LRMDA: variants seen among roughly 807,000 people sequenced by gnomAD.
LRMDA encodes the protein leucine rich melanocyte differentiation associated, also known as leucine-rich melanocyte differentiation-associated protein.
A neutral mutation model predicts 29.8 loss-of-function variants in LRMDA; 18 were observed. The observed-to-expected ratio is 0.60, with a 90% confidence interval of 0.42 to 0.90. The LOEUF (loss-of-function observed/expected upper bound fraction) is 0.90. Ranked by LOEUF, LRMDA falls within the 40% of genes least tolerant of loss-of-function variation. LRMDA has a pLI of 0.00. For missense variants in LRMDA, 273 were observed against 273.9 expected (o/e 1.00, Z 0.02); for synonymous variants, 125 against 109.4 (o/e 1.14, Z -0.89).
In LRMDA at chr10:75,739,891, C is replaced by T. The variant is rs961076092; in HGVS notation, c.132-296117C>T. ...AAGGCAGCACACACAATGCAATATG[C>T]GAAATAAAATGACAGAGCTGTTTAC... On this transcript the variant is annotated intron_variant, in intron 2 of 6. Coordinates refer to ENST00000611255, the MANE Select transcript of LRMDA (RefSeq NM_001305581.2). 3.3e-4 allele frequency among the ~76,000 whole-genome samples: 50 copies of T among 152,158 alleles called. 1 individual carries two copies. Among genetic ancestry groups the T allele is most frequent in the African/African-American group, 3.6e-4 (15 of 41,498 alleles).
intron 2 of LRMDA, among the ~76,000 whole-genome samples, chr10:75,711,148 C>T (rs1842431206): frequency 6.6e-6 from 1 of 152,174 alleles, no homozygotes; most frequent in South Asian, 2.1e-4. Context: ...GACTGATTCC[C>T]AGTGGATCTT....
intron 5 of LRMDA, among the ~76,000 whole-genome samples, chr10:76,315,720 GT>G (rs1840687265): frequency 1.3e-5 from 2 of 152,158 alleles, no homozygotes; most frequent in African/African-American, 2.4e-5. Flanking sequence ...GCGGAAGGGG[GT>G]GGGTGCCCAG....
At chr10:75,969,945 A>G (rs768753461) in intron 2 of LRMDA, among the ~76,000 whole-genome samples, 20 of 152,360 alleles carry the variant, frequency 1.3e-4, no homozygotes, top group Middle Eastern at 3.4e-3. Context: ...AGGGCTCTGT[A>G]CAAATGGAAT....
chr10:75,594,051 T>C (rs972416736), intron 2 of LRMDA, among the ~76,000 whole-genome samples: 4 of 152,242 alleles, frequency 2.6e-5, no homozygotes, highest in African/African-American at 9.6e-5. Context: ...TTGGTCCTTT[T>C]GTCCCAGTAA....
intron 6 of LRMDA, among the ~76,000 whole-genome samples, chr10:76,512,798 GTATTGGGACA>G (rs1433616842): frequency 2.6e-5 from 4 of 151,964 alleles, no homozygotes; most frequent in African/African-American, 9.7e-5. Flanking sequence ...TTTTTAATCT[GTATTGGGACA>G]TATTAACTAT....
At chr10:75,587,414 CT>C (rs1840670603) in intron 2 of LRMDA, among the ~76,000 whole-genome samples, 2 of 152,036 alleles carry the variant, frequency 1.3e-5, no homozygotes, top group African/African-American at 4.8e-5. Context: ...AAATAATATG[CT>C]GAGAAAAATG....
At chr10:76,422,939 A>T (rs1842085371) in intron 6 of LRMDA, among the ~76,000 whole-genome samples, 1 of 152,262 alleles carries the variant, frequency 6.6e-6, no homozygotes, top group African/African-American at 2.4e-5. Context: ...GAACTGAAGA[A>T]GCTAACTGTA....
chr10:75,910,704 G>C (rs1219376648), intron 2 of LRMDA, among the ~76,000 whole-genome samples: 2 of 152,156 alleles, frequency 1.3e-5, no homozygotes, highest in Non-Finnish European at 2.9e-5. Context: ...CAGGTCTTCT[G>C]TGTGTGATTC....
chr10:76,006,890 T>A (rs1847672439), intron 2 of LRMDA, among the ~76,000 whole-genome samples: 1 of 152,052 alleles, frequency 6.6e-6, no homozygotes, highest in Non-Finnish European at 1.5e-5. Flanking sequence ...AAAGCAAGCG[T>A]TAAGGGCATT....
At chr10:76,056,141 G>A (rs1482755849) in intron 4 of LRMDA, among the ~76,000 whole-genome samples, 2 of 152,164 alleles carry the variant, frequency 1.3e-5, no homozygotes, top group Non-Finnish European at 2.9e-5. Context: ...TCTGCAGGCA[G>A]GTCATCTCAG....
intron 2 of LRMDA, among the ~76,000 whole-genome samples, chr10:75,802,710 G>A (rs914474172): frequency 1.3e-5 from 2 of 151,830 alleles, no homozygotes; most frequent in Admixed American, 6.6e-5. Flanking sequence ...CATAATAAGT[G>A]CGTAGAAAGC....
chr10:76,108,712 C>T lies in LRMDA; in HGVS notation c.516+49929C>T, dbSNP rs1849527220. ...ATAGGAAATAGAGCTCAGTGCCCTG[C>T]CCTCTGCTCAGCACCTATCCAAATC... On this transcript the variant is annotated intron_variant, in intron 5 of 6. Transcript: ENST00000611255. Among the ~76,000 whole-genome samples, 4 of 152,186 alleles carry T rather than the reference C, an allele frequency of 2.6e-5. No individual in the cohort carries two copies. In the South Asian group the frequency reaches 8.3e-4, roughly 32 times the overall value.
chr10:76,431,194 T>G (rs1479031052), intron 6 of LRMDA, among the ~76,000 whole-genome samples: 1 of 152,182 alleles, frequency 6.6e-6, no homozygotes, highest in African/African-American at 2.4e-5. Context: ...TCTGAATGCT[T>G]TAAGTAGAGA....
intron 6 of LRMDA, among the ~76,000 whole-genome samples, chr10:76,475,979 A>T (rs1842665823): frequency 1.3e-5 from 2 of 152,170 alleles, no homozygotes. Flanking sequence ...CTAACATCAC[A>T]ATTAAAAGAA....
intron 2 of LRMDA, among the ~76,000 whole-genome samples, chr10:75,814,767 A>G (rs1433095812): frequency 1.3e-5 from 2 of 152,224 alleles, no homozygotes; most frequent in Non-Finnish European, 2.9e-5. Flanking sequence ...GAGCCTTTCC[A>G]ATTAGCACAC....
intron 2 of LRMDA, among the ~76,000 whole-genome samples, chr10:75,834,730 A>G (rs1439307346): frequency 6.6e-6 from 1 of 152,230 alleles, no homozygotes; most frequent in African/African-American, 2.4e-5. Context: ...TCCAGTGTCC[A>G]GTGATATGTT....
At chr10:76,150,659 C>T (rs138793309) in intron 5 of LRMDA, among the ~76,000 whole-genome samples, 1,878 of 152,240 alleles carry the variant, frequency 0.012, 14 homozygotes, top group Non-Finnish European at 0.019. Context: ...TGTGGGCAGT[C>T]GATCGAGCCT....
intron 2 of LRMDA, among the ~76,000 whole-genome samples, chr10:75,925,693 G>A (rs1292573617): frequency 7.0e-6 from 1 of 143,466 alleles, no homozygotes; most frequent in East Asian, 2.1e-4. Context: ...TGGAGACAGA[G>A]TCTCGCTGGA....
intron 5 of LRMDA, among the ~76,000 whole-genome samples, chr10:76,215,538 G>GAA (rs111919971): frequency 1.4e-5 from 2 of 143,718 alleles, no homozygotes; most frequent in South Asian, 2.2e-4. Flanking sequence ...ATTCTTTCTT[G>GAA]AAAAAAAAAA....
Sources: gnomAD v4.1 joint callset for allele counts (sites outside exome capture counted in the v4.1 genomes callset) on GRCh38, gnomAD v4.1.1 for gene constraint, MANE v1.5 for transcripts, NCBI Gene and HGNC (gene_info 2026-07-23, HGNC 2026-07-21) for gene names.